The following SETD5 variants were observed in gnomAD, a reference collection of about 807,000 sequenced individuals.
SETD5 encodes SET domain containing 5, also known as histone-lysine N-methyltransferase SETD5.
SETD5 carries 44 observed loss-of-function variants against 153.3 expected under a neutral mutation model. The observed-to-expected ratio is 0.29, with a 90% confidence interval of 0.23 to 0.37. SETD5 has a LOEUF of 0.37. Ranked by LOEUF, SETD5 falls within the 10% of genes least tolerant of loss-of-function variation. SETD5 has a pLI of 1.00. For missense variants in SETD5, 1,544 were observed against 1,768.0 expected (o/e 0.87, Z 2.27); for synonymous variants, 716 against 645.2 (o/e 1.11, Z -1.66).
At chr3:9,470,402 C>A in intron 18 of SETD5, 57 bp from the exon 19 acceptor site, 1 of 1,381,878 alleles carries the variant, frequency 7.2e-7, no homozygotes, top group Non-Finnish European at 1.0e-6. Flanking sequence ...CCTTTCTGCC[C>A]TTTGACTTTT....
chr3:9,450,325 A>T (rs1469056554), intron 16 of SETD5, among the ~76,000 whole-genome samples: 3 of 152,222 alleles, frequency 2.0e-5, no homozygotes, highest in African/African-American at 7.2e-5. Context: ...AAGCACTTTT[A>T]TCTATGTGTC....
chr3:9,425,703 G>A (rs1386963815), intron 2 of SETD5, among the ~76,000 whole-genome samples: 3 of 151,372 alleles, frequency 2.0e-5, no homozygotes, highest in Admixed American at 2.0e-4. Flanking sequence ...AGCCTCCCAA[G>A]TAGCTGGGAT....
intron 10 of SETD5, 43 bp from the exon 11 acceptor site, chr3:9,443,265 C>T (rs1364608723): frequency 2.1e-6 from 3 of 1,417,848 alleles, no homozygotes; most frequent in African/African-American, 2.9e-5. Context: ...ACGGAAAGTT[C>T]ATGGTCTTTA....
At chr3:9,454,175 T>A (rs570670070) in intron 17 of SETD5, 30 of 164,852 alleles carry the variant, frequency 1.8e-4, no homozygotes, top group African/African-American at 7.1e-4. Context: ...GGCAAGAAAG[T>A]GGTGGAACAC....
In SETD5 at chr3:9,431,019, T is replaced by C. The variant is rs985305959; in HGVS notation, c.71+2010T>C. The C allele has an allele frequency of 9.1e-6, 9 of 985,142 alleles. No individual in the cohort carries two copies. The African/African-American group carries it at 1.6e-4, about 17-fold the overall frequency. The allele number at this position is 985,142 out of a possible 1,614,324, so 61.0% of individuals were successfully genotyped here. A position where few individuals can be genotyped will look rare whatever the true frequency, so the allele number is the denominator to read the frequency against. On this transcript the variant is annotated intron_variant, in intron 3 of 22. Coordinates refer to ENST00000402198, the MANE Select transcript of SETD5 (RefSeq NM_001080517.3). ...ATTCTGTTAAATTATTAATGATATT[T>C]ATTAATGTTTCATCATGCCTATTTC... is the stretch of plus-strand genomic sequence containing the variant.
rs768254283 is a variant in SETD5 at position 9,443,355 on chromosome 3, T to G, written c.1125T>G (p.Ala375=). The G allele has an allele frequency of 2.6e-6, 4 of 1,524,628 alleles. No individual in the cohort carries two copies. The highest frequency in any genetic ancestry group is 3.5e-6 in the Non-Finnish European group (4 of 1,136,102). 94.4% of individuals were successfully genotyped at this position (1,524,628 alleles called of 1,614,324 possible). The change falls in exon 11 of 23, where the codon GCT becomes GCG. Residue 375 remains alanine, a synonymous_variant. Coordinates refer to ENST00000402198, the MANE Select transcript of SETD5 (RefSeq NM_001080517.3). ...GGATGATTCACCTGTGCATCTATGC[T>G]GTGTCTGCCATCACCAAGGATGCTG... ...ADGMIHLCIY[A]VSAITKDAEV...
intron 3 of SETD5, chr3:9,429,786 G>A (rs751242653): frequency 3.2e-6 from 4 of 1,257,168 alleles, no homozygotes; most frequent in Non-Finnish European, 4.2e-6. Flanking sequence ...TCCCCCTCTT[G>A]TCCTTTTACC....
At chr3:9,467,199 C>CAAAAAAAAAAAA (rs35894304) in intron 18 of SETD5, among the ~76,000 whole-genome samples, 3 of 40,874 alleles carry the variant, frequency 7.3e-5, no homozygotes, top group African/African-American at 1.4e-4. Flanking sequence ...GACTCTCTCT[C>CAAAAAAAAAAAA]AAAAAAAAAA....
chr3:9,419,724 G>C (rs1486806077), intron 1 of SETD5, among the ~76,000 whole-genome samples: 1 of 152,068 alleles, frequency 6.6e-6, no homozygotes, highest in Non-Finnish European at 1.5e-5. Context: ...TCTTTTTGTA[G>C]CTCTATTTCT....
intron 1 of SETD5, among the ~76,000 whole-genome samples, chr3:9,406,920 T>G (rs2035791357): frequency 6.6e-6 from 1 of 152,226 alleles, no homozygotes; most frequent in East Asian, 1.9e-4. Flanking sequence ...TATTCACAGA[T>G]AAATCAGGTA....
At chr3:9,412,386 GGTTTTTTT>G (rs2036702679) in intron 1 of SETD5, among the ~76,000 whole-genome samples, 1 of 114,534 alleles carries the variant, frequency 8.7e-6, no homozygotes, top group Non-Finnish European at 2.0e-5. Flanking sequence ...CACAGTTTTG[GGTTTTTTT>G]TTTTTTTTTT....
At chr3:9,421,380 C>T (rs2038370323) in intron 1 of SETD5, among the ~76,000 whole-genome samples, 1 of 151,922 alleles carries the variant, frequency 6.6e-6, no homozygotes, top group African/African-American at 2.4e-5. Flanking sequence ...TCAAGCAATC[C>T]TCCTGCCTCA....
At chr3:9,439,420 C>T (rs1288366468) in intron 7 of SETD5, among the ~76,000 whole-genome samples, 3 of 152,150 alleles carry the variant, frequency 2.0e-5, no homozygotes, top group African/African-American at 4.8e-5. Context: ...GTTTTCTGTG[C>T]CATTCATAGA....
At chr3:9,421,206 G>T (rs915023637) in intron 1 of SETD5, among the ~76,000 whole-genome samples, 1 of 152,138 alleles carries the variant, frequency 6.6e-6, no homozygotes, top group Non-Finnish European at 1.5e-5. Context: ...AGGAATTTAG[G>T]GTTCATCTAT....
At chr3:9,474,760 T>C (rs901285952) in intron 21 of SETD5, 178 bp downstream of exon 21, 2 of 818,554 alleles carry the variant, frequency 2.4e-6, no homozygotes, top group South Asian at 1.8e-5. Flanking sequence ...AGATCTAGCA[T>C]TGCTTGCTCT....
chr3:9,405,507 C>T (rs556409688), intron 1 of SETD5, among the ~76,000 whole-genome samples: 1 of 152,132 alleles, frequency 6.6e-6, no homozygotes, highest in Non-Finnish European at 1.5e-5. Context: ...CATACCACCC[C>T]CACAAAGGGG....
rs2040304015 is a variant in SETD5 at position 9,434,207 on chromosome 3, A to G, written c.178-127A>G. On this transcript the variant is annotated intron_variant, in intron 4 of 22. Coordinates refer to ENST00000402198, the MANE Select transcript of SETD5 (RefSeq NM_001080517.3). The surrounding 1 kb of genome is among the most constrained non-coding windows in gnomAD (Gnocchi z 5.6). ...GTACTACTTTCTTCTTTCTTTCCAT[A>G]TGTACCATACTTTAGGGGAGAGAGG... 6.5e-7 allele frequency: 1 copy of G among 1,549,826 alleles called. No individual in the cohort carries two copies. The highest frequency in any genetic ancestry group is 8.8e-7 in the Non-Finnish European group (1 of 1,141,454).
In SETD5 at chr3:9,434,818, C is replaced by A; in HGVS notation, c.330-6C>A. On this transcript the variant is annotated splice_polypyrimidine_tract_variant and splice_region_variant and intron_variant, in intron 5 of 22. Transcript: ENST00000402198. This position sits in a 1 kb window ranked among gnomAD's most constrained non-coding sequence, Gnocchi z 5.6. Reference sequence around the variant, plus strand: ...GGACTACTTTAAGTTTATTTTCCCTCTTTAGGGGAATGAGCAGGGGGAAGG... The same window carrying A: ...GGACTACTTTAAGTTTATTTTCCCTATTTAGGGGAATGAGCAGGGGGAAGG... The A allele has an allele frequency of 6.2e-7, 1 of 1,612,120 alleles. No homozygotes were observed. The highest frequency in any genetic ancestry group is 8.5e-7 in the Non-Finnish European group (1 of 1,179,238).
intron 17 of SETD5, among the ~76,000 whole-genome samples, chr3:9,460,213 G>A (rs1388069178): frequency 6.6e-6 from 1 of 151,210 alleles, no homozygotes. Flanking sequence ...CTTTTTAAAT[G>A]TTAATAACAT....
Sources: allele counts gnomAD v4.1 joint callset (sites outside exome capture counted in the v4.1 genomes callset), GRCh38; gene constraint gnomAD v4.1.1; non-coding constraint Gnocchi (gnomAD v3.1); transcripts MANE v1.5; gene names NCBI Gene and HGNC (gene_info 2026-07-23, HGNC 2026-07-21).